Variants in RABGEF1 observed in about 807,000 individuals in gnomAD.
RABGEF1 encodes rab5 GDP/GTP exchange factor.
Under a neutral mutation model 57.3 loss-of-function variants are expected in RABGEF1, and 26 were observed. The observed-to-expected ratio is 0.45, with a 90% CI of 0.33 to 0.63. The LOEUF (loss-of-function observed/expected upper bound fraction) is 0.63, where lower values mean the gene tolerates loss of function less well. Among genes scored for constraint, RABGEF1 ranks in the 20% least tolerant of loss-of-function variants. The pLI is 0.02. For missense variants in RABGEF1, 464 were observed against 607.6 expected (o/e 0.76, Z 2.48); for synonymous variants, 185 against 210.7 (o/e 0.88, Z 1.06).
At chr7:66,689,834 T>C (rs895828923) in intron 1 of RABGEF1, among the ~76,000 whole-genome samples, 1 of 151,432 alleles carries the variant, frequency 6.6e-6, no homozygotes, top group African/African-American at 2.4e-5. Context: ...GGGGTAAACC[T>C]ATAACTAGTA....
intron 8 of RABGEF1, 23 bp from the exon 9 acceptor site, chr7:66,808,863 G>C (rs77283486): frequency 6.5e-7 from 1 of 1,527,858 alleles, no homozygotes. Flanking sequence ...TAATATGACT[G>C]TATTAACGTC....
intron 4 of RABGEF1, among the ~76,000 whole-genome samples, chr7:66,793,998 T>A (rs1487956055): frequency 6.6e-6 from 1 of 152,198 alleles, no homozygotes; most frequent in Non-Finnish European, 1.5e-5. Flanking sequence ...AAATTTTTGA[T>A]TTTGGTGTCA....
the RABGEF1 span, among the ~76,000 whole-genome samples, chr7:66,665,776 G>T: frequency 6.6e-6 from 1 of 152,190 alleles, no homozygotes; most frequent in Non-Finnish European, 1.5e-5. Context: ...TGGTCCCTTG[G>T]CCTGTCCTGC....
chr7:66,741,138 C>G (rs1359095424), intron 1 of RABGEF1, among the ~76,000 whole-genome samples: 1 of 152,162 alleles, frequency 6.6e-6, no homozygotes, highest in Non-Finnish European at 1.5e-5. Flanking sequence ...CGCCCCGGCT[C>G]CCACCTTCCG....
At chr7:66,660,771 A>G in the RABGEF1 span, among the ~76,000 whole-genome samples, 17 of 152,308 alleles carry the variant, frequency 1.1e-4, no homozygotes, top group South Asian at 1.7e-3. Flanking sequence ...ATTAATGCCA[A>G]TCCTTTGCAA....
At chr7:66,715,551 G>A (rs912697897) in intron 2 of RABGEF1, among the ~76,000 whole-genome samples, 20 of 151,966 alleles carry the variant, frequency 1.3e-4, no homozygotes, top group African/African-American at 4.8e-4. Context: ...TACTTCCCTG[G>A]AGACTTCCTG....
At chr7:66,784,145 G>C (rs3913883) in intron 4 of RABGEF1, among the ~76,000 whole-genome samples, 42 of 152,282 alleles carry the variant, frequency 2.8e-4, no homozygotes, top group Admixed American at 1.0e-3. Context: ...TATAAACTGC[G>C]ATAGTAGACC....
At chr7:66,701,371 G>T (rs60326618) in intron 1 of RABGEF1, among the ~76,000 whole-genome samples, 1 of 151,974 alleles carries the variant, frequency 6.6e-6, no homozygotes, top group Non-Finnish European at 1.5e-5. Flanking sequence ...GCATGGTGGC[G>T]CACACCAGTA....
intron 1 of RABGEF1, among the ~76,000 whole-genome samples, chr7:66,749,891 T>C (rs1801037080): frequency 6.6e-6 from 1 of 152,148 alleles, no homozygotes; most frequent in African/African-American, 2.4e-5. Context: ...GGAGAATCGC[T>C]GGAACCTGGG....
the RABGEF1 span, among the ~76,000 whole-genome samples, chr7:66,673,020 G>A: frequency 6.7e-6 from 1 of 148,672 alleles, no homozygotes; most frequent in Non-Finnish European, 1.5e-5. Flanking sequence ...AGCTCACCAA[G>A]GTGTGCTGAA....
At chr7:66,804,245 G>A (rs927528634) in intron 7 of RABGEF1, among the ~76,000 whole-genome samples, 5 of 152,040 alleles carry the variant, frequency 3.3e-5, no homozygotes, top group East Asian at 3.9e-4. Context: ...TACCACACTC[G>A]GCTAATTTTT....
chr7:66,689,460 C>T (rs573994177), intron 1 of RABGEF1, among the ~76,000 whole-genome samples: 12 of 152,000 alleles, frequency 7.9e-5, no homozygotes, highest in Non-Finnish European at 1.6e-4. Context: ...AATGGCAAAT[C>T]TCTAGAAACA....
chr7:66,663,339 G>A, the RABGEF1 span, among the ~76,000 whole-genome samples: 4 of 152,180 alleles, frequency 2.6e-5, no homozygotes, highest in Admixed American at 1.3e-4. Context: ...ATATTTTTGT[G>A]TGTGTGTCTT....
intron 2 of RABGEF1, among the ~76,000 whole-genome samples, chr7:66,719,154 G>A (rs1795724429): frequency 6.6e-6 from 1 of 152,180 alleles, no homozygotes. Context: ...GTAGGGAACG[G>A]CAATTAACAC....
chr7:66,755,667 C>T (rs373163452), intron 1 of RABGEF1, among the ~76,000 whole-genome samples: 6 of 152,228 alleles, frequency 3.9e-5, no homozygotes, highest in African/African-American at 1.4e-4. Context: ...AAGTAGGCTA[C>T]GGTAGCCAGA....
At chr7:66,688,061 G>A (rs1377040007) in intron 1 of RABGEF1, among the ~76,000 whole-genome samples, 2 of 143,600 alleles carry the variant, frequency 1.4e-5, no homozygotes, top group Non-Finnish European at 3.0e-5. Context: ...CTCCAGCCTG[G>A]GCAACAAGAG....
chr7:66,746,379 C>T (rs1001084022), intron 1 of RABGEF1, among the ~76,000 whole-genome samples: 16 of 151,834 alleles, frequency 1.1e-4, no homozygotes, highest in African/African-American at 3.9e-4. Context: ...TCTTGGCTCA[C>T]TGCAACCTCT....
At chr7:66,805,538 G>A in intron 8 of RABGEF1, 142 bp downstream of exon 8, 2 of 1,236,744 alleles carry the variant, frequency 1.6e-6, no homozygotes, top group Non-Finnish European at 2.3e-6. Context: ...CTTTGCATCA[G>A]GGAGCACAAG....
intron 2 of RABGEF1, 85 bp downstream of exon 2, chr7:66,772,163 C>A (rs537009756): frequency 1.8e-6 from 2 of 1,090,770 alleles, no homozygotes; most frequent in South Asian, 3.0e-5. Flanking sequence ...TTTTTCACTT[C>A]TGCTTTGAGC....
Sources: allele counts gnomAD v4.1 joint callset (sites outside exome capture counted in the v4.1 genomes callset), GRCh38; gene constraint gnomAD v4.1.1; transcripts MANE v1.5; gene names NCBI Gene and HGNC (gene_info 2026-07-23, HGNC 2026-07-21).